The following MGA variants were observed in gnomAD, a reference collection of about 807,000 sequenced individuals.
MGA encodes MAX dimerization protein MGA.
A neutral mutation model predicts 261.1 loss-of-function variants in MGA; 40 were observed. The ratio of observed to expected loss-of-function variants is 0.15; its 90% CI spans 0.12 to 0.20. The LOEUF (loss-of-function observed/expected upper bound fraction) is 0.20. MGA is among the 10% of genes least tolerant of loss of function. The pLI is 1.00. For synonymous variants in MGA, 1,302 were observed against 1,290.6 expected (o/e 1.01, Z -0.19); for missense variants, 3,397 against 3,630.5 (o/e 0.94, Z 1.65).
intron 1 of MGA, among the ~76,000 whole-genome samples, chr15:41,628,072 A>G (rs181062253): frequency 6.6e-6 from 1 of 152,248 alleles, no homozygotes. Flanking sequence ...ACAATGAGCT[A>G]ATAAAGATGA....
intron 1 of MGA, among the ~76,000 whole-genome samples, chr15:41,622,558 C>A (rs546925997): frequency 3.0e-4 from 46 of 152,198 alleles, no homozygotes; most frequent in Non-Finnish European, 6.2e-4. Context: ...AAAATATTGT[C>A]TTTTAGACAT....
intron 15 of MGA, among the ~76,000 whole-genome samples, chr15:41,744,346 G>A (rs966467620): frequency 2.0e-5 from 3 of 152,046 alleles, no homozygotes; most frequent in Admixed American, 2.0e-4. Flanking sequence ...TGGGACTACA[G>A]GTTTATGCCA....
intron 10 of MGA, among the ~76,000 whole-genome samples, chr15:41,728,924 T>C (rs759416751): frequency 2.0e-5 from 3 of 152,178 alleles, no homozygotes; most frequent in Non-Finnish European, 4.4e-5. Context: ...TCCTTCACCA[T>C]AGATAATTTG....
intron 19 of MGA, 22 bp downstream of exon 19, chr15:41,757,861 A>T (rs2063232931): frequency 6.4e-7 from 1 of 1,560,816 alleles, no homozygotes; most frequent in African/African-American, 1.4e-5. Context: ...ATATTTAGTG[A>T]TAATTACTCA....
In MGA at chr15:41,767,390, A is replaced by T. The variant is rs150870891; in HGVS notation, c.*110A>T. ...CTTAGAACTTGGATCCTTGACTTCA[A>T]TGATGCAGTGGATAATGATGGGAGA... On this transcript the variant is annotated 3_prime_UTR_variant, in exon 24 of 24. Coordinates refer to ENST00000219905, the MANE Select transcript of MGA (RefSeq NM_001164273.2). The T allele has an allele frequency of 7.0e-6, 8 of 1,136,808 alleles. No homozygotes were observed. Among genetic ancestry groups the T allele is most frequent in the Non-Finnish European group, 1.0e-5 (8 of 799,172 alleles). 70.4% of individuals were successfully genotyped at this position (1,136,808 alleles called of 1,614,324 possible).
At chr15:41,725,986 A>G (rs1325318559) in intron 9 of MGA, among the ~76,000 whole-genome samples, 2 of 152,192 alleles carry the variant, frequency 1.3e-5, no homozygotes, top group East Asian at 3.8e-4. Context: ...ATTAACAAGT[A>G]AAAATGCATA....
chr15:41,697,789 A>G (rs2059617203), intron 3 of MGA, among the ~76,000 whole-genome samples: 1 of 152,166 alleles, frequency 6.6e-6, no homozygotes, highest in Non-Finnish European at 1.5e-5. Flanking sequence ...CTCCTGTCTT[A>G]CACATTGAAG....
chr15:41,710,768 G>T lies in MGA; in HGVS notation c.2503G>T (p.Gly835Cys). ...GCTAGATGAATACTTGGAAAATGAA[G>T]GCAAGCTGATGGAAACAAGCATGGG... The change falls in exon 8 of 24, where the codon GGC becomes TGC. Residue 835 changes from glycine to cysteine, a missense_variant. This residue lies in a region of MGA where 519 missense variants were observed against 554.1 expected (regional missense o/e 0.94). Coordinates refer to ENST00000219905, the MANE Select transcript of MGA (RefSeq NM_001164273.2). The T allele has an allele frequency of 6.2e-7, 1 of 1,613,874 alleles. No individual in the cohort carries two copies. The highest frequency in any genetic ancestry group is 8.5e-7 in the Non-Finnish European group (1 of 1,179,806).
chr15:41,678,258 T>G (rs925046652), intron 2 of MGA, among the ~76,000 whole-genome samples: 1 of 151,466 alleles, frequency 6.6e-6, no homozygotes, highest in Non-Finnish European at 1.5e-5. Flanking sequence ...GCCCAGCTAA[T>G]TTTTGTATTT....
chr15:41,759,094 A>G (rs2063307331), intron 19 of MGA, among the ~76,000 whole-genome samples: 1 of 152,184 alleles, frequency 6.6e-6, no homozygotes, highest in South Asian at 2.1e-4. Context: ...CATTTTACAA[A>G]GTAGAAAGGC....
chr15:41,763,092 C>CTTTTTTTTTTTTTTTTTTTTTT (rs71108131), intron 22 of MGA, among the ~76,000 whole-genome samples: 1 of 63,952 alleles, frequency 1.6e-5, no homozygotes, highest in Non-Finnish European at 2.9e-5. Context: ...TTCTTTCTTC[C>CTTTTTTTTTTTTTTTTTTTTTT]TTTTTTTTTT....
intron 13 of MGA, among the ~76,000 whole-genome samples, chr15:41,738,512 G>A (rs1298671932): frequency 6.6e-6 from 1 of 152,150 alleles, no homozygotes; most frequent in Non-Finnish European, 1.5e-5. Flanking sequence ...CTCTTGATGA[G>A]GAGAACAGTA....
chr15:41,722,658 T>C (rs1266001470), intron 9 of MGA, among the ~76,000 whole-genome samples: 2 of 152,200 alleles, frequency 1.3e-5, no homozygotes, highest in African/African-American at 4.8e-5. Flanking sequence ...TACATTTCTT[T>C]ATAAATGCTA....
intron 11 of MGA, among the ~76,000 whole-genome samples, chr15:41,733,375 C>T (rs1209229591): frequency 6.6e-6 from 1 of 152,140 alleles, no homozygotes; most frequent in African/African-American, 2.4e-5. Context: ...GGCAGTCTGT[C>T]CAACCCATGG....
At position 41,687,851 on chromosome 15, in the gene MGA, A is replaced by T. The variant is rs547688116; in HGVS notation, c.1065-8224A>T. Among the ~76,000 whole-genome samples, 79 of 152,288 alleles carry T rather than the reference A, an allele frequency of 5.2e-4. 2 individuals carry two copies. The South Asian group carries it at 0.011, about 22-fold the overall frequency. On this transcript the variant is annotated intron_variant, in intron 2 of 23. Transcript: ENST00000219905. The stretch of plus-strand genomic sequence containing the variant: ...TCAAGTAAGTTTGATTGATAGTGTT[A>T]TTCAGTTCTTCTGTCCTGATTTTTT...
Position 41,638,240 on chromosome 15 carries a change from G to A in MGA, c.-68+16942G>A, listed in dbSNP as rs1029814541. ...GTATTTTCAGTAGAGACGGGGTTTC[G>A]TCATGTTGGTCAGGCTGGTCTCGAA... On this transcript the variant is annotated intron_variant, in intron 1 of 8. Transcript: ENST00000566718. Among the ~76,000 whole-genome samples the A allele has an allele frequency of 4.0e-5, 6 of 151,254 alleles. No individual in the cohort carries two copies. The South Asian group carries it at 6.3e-4, about 16-fold the overall frequency.
At chr15:41,689,509 ATTTG>A (rs1387323855) in intron 2 of MGA, among the ~76,000 whole-genome samples, 1 of 147,728 alleles carries the variant, frequency 6.8e-6, no homozygotes, top group Non-Finnish European at 1.5e-5. Context: ...GTATTTATTT[ATTTG>A]TTTTCATCTG....
At chr15:41,740,716 T>C (rs1055551506) in intron 14 of MGA, among the ~76,000 whole-genome samples, 1 of 152,230 alleles carries the variant, frequency 6.6e-6, no homozygotes, top group Non-Finnish European at 1.5e-5. Context: ...CTTAAACTTA[T>C]GAAACCAAGG....
intron 1 of MGA, among the ~76,000 whole-genome samples, chr15:41,643,814 C>G (rs1300960512): frequency 6.6e-6 from 1 of 150,512 alleles, no homozygotes; most frequent in South Asian, 2.1e-4. Flanking sequence ...CGCCTCCGCC[C>G]GCCTCAGCCT....
Sources: allele counts gnomAD v4.1 joint callset (sites outside exome capture counted in the v4.1 genomes callset), GRCh38; gene constraint gnomAD v4.1.1; regional missense constraint gnomAD v4.1.1; transcripts MANE v1.5; gene names NCBI Gene and HGNC (gene_info 2026-07-23, HGNC 2026-07-21).